Variants in ZZEF1 observed in about 807,000 individuals in gnomAD.
ZZEF1 encodes zinc finger ZZ-type and EF-hand domain containing 1, also known as zinc finger ZZ-type and EF-hand domain-containing protein 1.
Under a neutral mutation model 342.8 loss-of-function variants are expected in ZZEF1, and 157 were observed. That is an observed-to-expected ratio of 0.46 (90% CI 0.40 to 0.52). The LOEUF (loss-of-function observed/expected upper bound fraction) is 0.52, where lower values mean the gene tolerates loss of function less well. Ranked by LOEUF, ZZEF1 falls within the 20% of genes least tolerant of loss-of-function variation. The pLI is 0.00. For missense variants in ZZEF1, 3,480 were observed against 3,725.6 expected (o/e 0.93, Z 1.72); for synonymous variants, 1,505 against 1,429.1 (o/e 1.05, Z -1.20).
intron 9 of ZZEF1, among the ~76,000 whole-genome samples, chr17:4,097,188 G>A (rs2058050461): frequency 6.6e-6 from 1 of 151,564 alleles, no homozygotes; most frequent in Non-Finnish European, 1.5e-5. Context: ...GTGAACCCGG[G>A]AGGCGGAGCT....
rs1389022839 is a variant in ZZEF1 at position 4,121,393 on chromosome 17, A to G, written c.499+2514T>C. ...AATCCCAACACTTTGGGAGGCCAAG[A>G]CAGGTGGATCACTTGAGGTCAGGAG... is the stretch of plus-strand genomic sequence containing the variant. On this transcript the variant is annotated intron_variant, in intron 2 of 54. Transcript: ENST00000381638. Among the ~76,000 whole-genome samples, 6 of 152,168 alleles carry G rather than the reference A, an allele frequency of 3.9e-5. No individual in the cohort carries two copies. The East Asian group carries it at 1.2e-3, about 29-fold the overall frequency.
chr17:4,141,798 T>C (rs1237823520), intron 1 of ZZEF1, among the ~76,000 whole-genome samples: 3 of 152,062 alleles, frequency 2.0e-5, no homozygotes, highest in African/African-American at 7.3e-5. Flanking sequence ...ATCAGTCTTC[T>C]TAACTCGAAG....
chr17:4,025,198 C>T, intron 42 of ZZEF1, 80 bp from the exon 43 acceptor site: 1 of 1,331,648 alleles, frequency 7.5e-7, no homozygotes, highest in African/African-American at 1.4e-5. Context: ...TCTATAGTAA[C>T]ATGCCTTACT....
chr17:4,104,751 AC>A lies in ZZEF1; in HGVS notation c.1454del (p.Ser485MetfsTer6). The A allele has an allele frequency of 6.2e-7, 1 of 1,614,154 alleles. No homozygotes were observed. The highest frequency in any genetic ancestry group is 8.5e-7 in the Non-Finnish European group (1 of 1,179,998). On this transcript the variant is annotated frameshift_variant, in exon 8 of 55. Transcript: ENST00000381638. LOFTEE classifies it high-confidence loss of function. ...ATAGAGAGCTCATGACTTTGGCAAC[AC>A]TTCCTCTTGCGAGAGCAAAAGCCAG... ...TLLAFALARGSVAKVMSSLCT... is the reference protein window; with the variant it reads ...TLLAFALARGXVAKVMSSLCT...
At chr17:4,097,154 G>A (rs551552746) in intron 9 of ZZEF1, among the ~76,000 whole-genome samples, 2 of 151,740 alleles carry the variant, frequency 1.3e-5, no homozygotes, top group African/African-American at 4.8e-5. Flanking sequence ...CCACCTACTC[G>A]GGAGGCTGAG....
intron 34 of ZZEF1, among the ~76,000 whole-genome samples, chr17:4,052,994 G>A (rs919494589): frequency 1.3e-5 from 2 of 152,180 alleles, no homozygotes; most frequent in Admixed American, 6.5e-5. Flanking sequence ...CTCACTCTAA[G>A]CTCTGTCATG....
At chr17:4,053,766 G>A (rs1488799786) in intron 34 of ZZEF1, among the ~76,000 whole-genome samples, 2 of 152,220 alleles carry the variant, frequency 1.3e-5, no homozygotes, top group Non-Finnish European at 2.9e-5. Context: ...GCATGATTCA[G>A]AAGCAAACAC....
At chr17:4,021,906 C>A (rs1936709804) in intron 44 of ZZEF1, among the ~76,000 whole-genome samples, 1 of 150,806 alleles carries the variant, frequency 6.6e-6, no homozygotes, top group Admixed American at 6.6e-5. Context: ...CTAATGGCAG[C>A]TGTGTTTGGA....
chr17:4,045,331 ATTCT>A (rs372419010), intron 37 of ZZEF1, among the ~76,000 whole-genome samples: 379 of 152,308 alleles, frequency 2.5e-3, no homozygotes, highest in South Asian at 0.016. Flanking sequence ...AAGCTATGAA[ATTCT>A]TTCTTTCTTT....
intron 39 of ZZEF1, among the ~76,000 whole-genome samples, chr17:4,034,626 T>C (rs991263304): frequency 6.6e-6 from 1 of 152,156 alleles, no homozygotes; most frequent in African/African-American, 2.4e-5. Flanking sequence ...CCTGCAACCA[T>C]GGCCAGGAGA....
intron 37 of ZZEF1, among the ~76,000 whole-genome samples, chr17:4,046,451 G>C (rs1296819753): frequency 6.6e-6 from 1 of 152,234 alleles, no homozygotes; most frequent in East Asian, 1.9e-4. Context: ...TCAGGTCTGA[G>C]AAGGCCAAAC....
At chr17:4,111,188 G>A (rs142136059) in intron 5 of ZZEF1, among the ~76,000 whole-genome samples, 2 of 152,176 alleles carry the variant, frequency 1.3e-5, no homozygotes, top group East Asian at 3.9e-4. Flanking sequence ...GTAGATATGT[G>A]TGCATATATG....
chr17:4,101,754 G>C lies in ZZEF1; in HGVS notation c.1672+563C>G, dbSNP rs1303678897. Among the ~76,000 whole-genome samples the C allele has an allele frequency of 2.0e-5, 3 of 152,136 alleles. No individual in the cohort carries two copies. In the East Asian group the frequency reaches 5.8e-4, roughly 29 times the overall value. On this transcript the variant is annotated intron_variant, in intron 9 of 54. Transcript: ENST00000381638. ...TGATTCTCATGCCTCAGCCTCCCAA[G>C]TAGCTGGAATTACAGGTGCCCTGCC...
chr17:4,082,908 T>C (rs751804598), intron 16 of ZZEF1, among the ~76,000 whole-genome samples: 3 of 152,160 alleles, frequency 2.0e-5, no homozygotes, highest in Non-Finnish European at 4.4e-5. Flanking sequence ...CCCAAGCATC[T>C]AGGATTACAG....
chr17:4,088,620 G>A, intron 13 of ZZEF1, 58 bp downstream of exon 13: 1 of 1,571,514 alleles, frequency 6.4e-7, no homozygotes, highest in South Asian at 1.1e-5. Context: ...TCATTTCTCT[G>A]AATACTGTCA....
intron 8 of ZZEF1, among the ~76,000 whole-genome samples, chr17:4,103,378 A>G (rs191221648): frequency 2.0e-5 from 2 of 98,250 alleles, no homozygotes; most frequent in Non-Finnish European, 4.3e-5. Flanking sequence ...GCTCATTTCT[A>G]AAAAAAAAAA....
chr17:4,079,826 C>T (rs1356871361), intron 18 of ZZEF1, among the ~76,000 whole-genome samples: 1 of 152,184 alleles, frequency 6.6e-6, no homozygotes, highest in East Asian at 1.9e-4. Context: ...CAACTCAAAA[C>T]AGTAAGGCAC....
chr17:4,114,512 C>G, intron 3 of ZZEF1, 42 bp from the exon 4 acceptor site: 1 of 1,370,416 alleles, frequency 7.3e-7, no homozygotes. Context: ...ATCCCTTTCA[C>G]AAAGGGAAAA....
At position 4,058,069 on chromosome 17, in the gene ZZEF1, A is replaced by G. The variant is rs1444509080; in HGVS notation, c.5090T>C (p.Phe1697Ser). 6.2e-7 allele frequency: 1 copy of G among 1,614,144 alleles called. No individual in the cohort carries two copies. The highest frequency in any genetic ancestry group is 8.5e-7 in the Non-Finnish European group (1 of 1,180,016). ...GAGATCTGGTAACTGAATATCAACA[A>G]AGAAGGCGAGATCATTGGGTTCCCA... ...MGWEPNDLAF[F>S]VDIQLPDLLM... Residue 1697 changes from phenylalanine to serine, a missense_variant, in exon 32 of 55, where the codon TTT (phenylalanine) becomes TCT (serine). Around this residue, in one of 5 missense-constraint regions of ZZEF1, gnomAD observed 1,528 missense variants for 1,624.1 expected, o/e 0.94. Transcript: ENST00000381638.
Sources: allele counts gnomAD v4.1 joint callset (sites outside exome capture counted in the v4.1 genomes callset), GRCh38; gene constraint gnomAD v4.1.1; regional missense constraint gnomAD v4.1.1; transcripts MANE v1.5; gene names NCBI Gene and HGNC (gene_info 2026-07-23, HGNC 2026-07-21).